The following ANAPC2 variants were observed in gnomAD, a reference collection of about 807,000 sequenced individuals.
ANAPC2 encodes the protein anaphase promoting complex subunit 2, also known as anaphase-promoting complex subunit 2.
In ANAPC2, 29 loss-of-function variants were observed where a neutral mutation model predicts 84.3. The observed-to-expected ratio is 0.34, with a 90% CI of 0.26 to 0.47. The LOEUF (loss-of-function observed/expected upper bound fraction) is 0.47, where lower values mean the gene tolerates loss of function less well. Among genes scored for constraint, ANAPC2 ranks in the 20% least tolerant of loss-of-function variants. The pLI is 1.00. For synonymous variants in ANAPC2, 571 were observed against 479.4 expected (o/e 1.19, Z -2.50); for missense variants, 857 against 1,131.7 (o/e 0.76, Z 3.48).
chr9:137,188,107 G>C lies in ANAPC2; in HGVS notation c.118-4C>G. 1 of 1,608,750 alleles carries C rather than the reference G, an allele frequency of 6.2e-7. No homozygotes were observed. Among genetic ancestry groups the C allele is most frequent in the South Asian group, 1.1e-5 (1 of 91,040 alleles). ...CACCGCTGGTCCGGGAAGACACCTG[G>C]GGTGCAGAAAACCGTGAGGCGAGGG... On this transcript the variant is annotated splice_polypyrimidine_tract_variant and splice_region_variant and intron_variant, in intron 1 of 12. Coordinates refer to ENST00000323927, the MANE Select transcript of ANAPC2 (RefSeq NM_013366.4).
intron 10 of ANAPC2, chr9:137,177,208 C>G (rs1418465306): frequency 6.6e-6 from 1 of 152,230 alleles, no homozygotes; most frequent in Non-Finnish European, 1.5e-5. Flanking sequence ...AAGGCAGGCT[C>G]CAAGAGCAGA....
At chr9:137,181,659 G>C in intron 7 of ANAPC2, 22 bp downstream of exon 7, 1 of 1,571,548 alleles carries the variant, frequency 6.4e-7, no homozygotes, top group Non-Finnish European at 8.7e-7. Flanking sequence ...CTGGTGAAAG[G>C]GACCATGTGG....
chr9:137,174,790 C>T lies in ANAPC2; in HGVS notation c.*152G>A, dbSNP rs1256124594. ...AGCCACCAGGACAGAAAAGGATGAT[C>T]TGACTTGCTTTAATCTGCACACTGC... On this transcript the variant is annotated 3_prime_UTR_variant, in exon 13 of 13. Transcript: ENST00000323927. This position sits in a 1 kb window ranked among gnomAD's most constrained non-coding sequence, Gnocchi z 6.1. The T allele has an allele frequency of 5.0e-6, 7 of 1,411,908 alleles. No individual in the cohort carries two copies. The highest frequency in any genetic ancestry group is 6.5e-6 in the Non-Finnish European group (7 of 1,081,706). 87.5% of individuals were successfully genotyped at this position (1,411,908 alleles called of 1,614,324 possible).
At chr9:137,182,008 GC>G in intron 6 of ANAPC2, 146 bp from the exon 7 acceptor site, 1 of 838,760 alleles carries the variant, frequency 1.2e-6, no homozygotes, top group Non-Finnish European at 1.7e-6. Flanking sequence ...CTAAACACAG[GC>G]CCGTCAGACT....
chr9:137,181,867 C>T lies in ANAPC2; in HGVS notation c.1287-5G>A, dbSNP rs768199316. The stretch of plus-strand genomic sequence containing the variant: ...CGCACTGTGTCCTCCCGCGTCCTGC[C>T]GATGTGAGTGCTGCTGTGGCCCACA... On this transcript the variant is annotated splice_polypyrimidine_tract_variant and splice_region_variant and intron_variant, in intron 6 of 12. Coordinates refer to ENST00000323927, the MANE Select transcript of ANAPC2 (RefSeq NM_013366.4). 1.1e-4 allele frequency: 169 copies of T among 1,599,366 alleles called. No homozygotes were observed. Among genetic ancestry groups the T allele is most frequent in the Non-Finnish European group, 1.3e-4 (155 of 1,177,488 alleles).
intron 10 of ANAPC2, chr9:137,176,078 A>AC: frequency 4.5e-6 from 2 of 448,260 alleles, no homozygotes; most frequent in Middle Eastern, 1.1e-3. Context: ...GGGCCTCCTG[A>AC]CCCCCAGTGC....
At chr9:137,183,050 T>A in intron 6 of ANAPC2, 75 bp downstream of exon 6, 1 of 1,242,660 alleles carries the variant, frequency 8.0e-7, no homozygotes. Context: ...ACCCTCCGGC[T>A]GCCCCCCAGG....
rs745513587 is a variant in ANAPC2, at chr9:137,180,433, G to A, written c.1686+19C>T. The A allele has an allele frequency of 2.4e-5, 38 of 1,612,606 alleles. No individual in the cohort carries two copies. Among genetic ancestry groups the A allele is most frequent in the South Asian group, 1.2e-4 (11 of 91,082 alleles). On this transcript the variant is annotated intron_variant, in intron 9 of 12. Transcript: ENST00000323927. ...GGGACCTGCGGGGCGGCCGGGCAGC[G>A]GGCGGGGCTGGGACCCACCTTCAGC... is the stretch of plus-strand genomic sequence containing the variant.
chr9:137,183,472 C>A, intron 5 of ANAPC2, 200 bp downstream of exon 5: 1 of 868,796 alleles, frequency 1.2e-6, no homozygotes, highest in East Asian at 2.7e-5. Flanking sequence ...CCGGTCAGTC[C>A]TGACTCCCTC....
rs28756048 is a variant in ANAPC2 at position 137,179,660 on chromosome 9, T to A, written c.1890+521A>T. Reference sequence around the variant, plus strand: ...CAGACCCATAGCCCCGGTCCTCAAGTACCACTGGAGCCTGCAAAGGCAGTT... The same window carrying A: ...CAGACCCATAGCCCCGGTCCTCAAGAACCACTGGAGCCTGCAAAGGCAGTT... On this transcript the variant is annotated intron_variant, in intron 10 of 12. Coordinates refer to ENST00000323927, the MANE Select transcript of ANAPC2 (RefSeq NM_013366.4). 3.4e-3 allele frequency among the ~76,000 whole-genome samples: 520 copies of A among 152,292 alleles called. 2 individuals carry two copies. Among genetic ancestry groups the A allele is most frequent in the Non-Finnish European group, 5.0e-3 (343 of 68,024 alleles).
chr9:137,184,860 C>A, intron 4 of ANAPC2, 53 bp downstream of exon 4: 2 of 1,595,486 alleles, frequency 1.3e-6, no homozygotes, highest in Admixed American at 3.6e-5. Context: ...GGGGAAGGCC[C>A]TGGGAAGACT....
At position 137,187,888 on chromosome 9, in the gene ANAPC2, G is replaced by A. The variant is rs776414983; in HGVS notation, c.333C>T (p.Leu111=). 12 of 1,613,778 alleles carry A rather than the reference G, an allele frequency of 7.4e-6. No individual in the cohort carries two copies. Among genetic ancestry groups the A allele is most frequent in the South Asian group, 1.1e-5 (1 of 91,088 alleles). The change falls in exon 2 of 13, where the codon CTC becomes CTT. Residue 111 remains leucine, a synonymous_variant. Transcript: ENST00000323927. ...SADEPQCLLL[L]LDAFGLLESR... ...TCTCCAGCAGGCCAAAAGCGTCAAG[G>A]AGTAGCAAAAGGCACTGGGGCTCAT...
At position 137,185,357 on chromosome 9, in the gene ANAPC2, A is replaced by G. The variant is rs116953652; in HGVS notation, c.874-270T>C. 6.2e-3 allele frequency among the ~76,000 whole-genome samples: 945 copies of G among 152,316 alleles called. 9 individuals carry two copies. Among genetic ancestry groups the G allele is most frequent in the Non-Finnish European group, 0.011 (728 of 68,018 alleles). On this transcript the variant is annotated intron_variant, in intron 3 of 12. Coordinates refer to ENST00000323927, the MANE Select transcript of ANAPC2 (RefSeq NM_013366.4). ...CTGGCAGCAGCAACCCTAGCGTGAG[A>G]CATGACAGACACACACGACCTGTGC...
In ANAPC2 at chr9:137,183,114, G is replaced by A. The variant is rs1330571235; in HGVS notation, c.1286+11C>T. 1.2e-6 allele frequency: 2 copies of A among 1,606,294 alleles called. No homozygotes were observed. The highest frequency in any genetic ancestry group is 1.1e-5 in the South Asian group (1 of 90,914). On this transcript the variant is annotated intron_variant, in intron 6 of 12. Transcript: ENST00000323927. ...GGTCCCAGTGGCTCCTGGGCCAGCTGCAGCCCTCACCTCAGGTAGCGGCGG... is the reference window on the plus strand; with the variant it reads ...GGTCCCAGTGGCTCCTGGGCCAGCTACAGCCCTCACCTCAGGTAGCGGCGG...
rs977392112 is a variant in ANAPC2, at chr9:137,187,785, C to T, written c.436G>A (p.Ala146Thr). Residue 146 changes from alanine (A) to threonine (T), a missense_variant, in exon 2 of 13, where the codon GCT (alanine) becomes ACT (threonine). By Grantham distance (58) the Ala-to-Thr change is moderately conservative. Coordinates refer to ENST00000323927, the MANE Select transcript of ANAPC2 (RefSeq NM_013366.4). ...TRLGLLMGTG[A>T]QGLREEVHTM... ...TGGACTTCTTCTCGCAGCCCCTGAG[C>T]ACCAGTGCCCATCAGCAAGCCCAGG... 1 of 1,613,672 alleles carries T rather than the reference C, an allele frequency of 6.2e-7. No individual in the cohort carries two copies. Among genetic ancestry groups the T allele is most frequent in the Non-Finnish European group, 8.5e-7 (1 of 1,180,030 alleles).
chr9:137,175,081 A>G lies in ANAPC2; in HGVS notation c.2330T>C (p.Leu777Pro). ...SLSLDRIYNM[L>P]RMFVVTGPAL... ...AGGCCCAGTCACCACAAACATGCGGAGCATGTTGTAGATACGATCCAGTGA... is the reference window on the plus strand; with the variant it reads ...AGGCCCAGTCACCACAAACATGCGGGGCATGTTGTAGATACGATCCAGTGA... Residue 777 changes from leucine to proline, a missense_variant, in exon 13 of 13, where the codon CTC (leucine) becomes CCC (proline). By Grantham distance (98) the Leu-to-Pro change is moderately conservative (BLOSUM62 -3). This residue lies in a region of ANAPC2 where 425 missense variants were observed against 595.5 expected (regional missense o/e 0.71). Transcript: ENST00000323927. The G allele has an allele frequency of 6.2e-7, 1 of 1,608,272 alleles. No homozygotes were observed. Among genetic ancestry groups the G allele is most frequent in the Non-Finnish European group, 8.5e-7 (1 of 1,178,034 alleles).
Position 137,187,406 on chromosome 9 carries a change from G to A in ANAPC2, c.740+75C>T, listed in dbSNP as rs1279141456. The A allele has an allele frequency of 2.0e-6, 3 of 1,522,790 alleles. No homozygotes were observed. The East Asian group carries it at 6.8e-5, about 35-fold the overall frequency. The allele number at this position is 1,522,790 out of a possible 1,614,324, so 94.3% of individuals were successfully genotyped here. On this transcript the variant is annotated intron_variant, in intron 2 of 12. Transcript: ENST00000323927. ...CAGGACGGCTCACCAGCTTTCTGCT[G>A]AGGCCAGCTGGACCCAGGGGAGCAG... is the stretch of plus-strand genomic sequence containing the variant.
rs746770536 is a variant in ANAPC2 at position 137,186,275 on chromosome 9, C to T, written c.822G>A (p.Glu274=). ...GCTCGTACTCGCCCCGGCAACGGTC[C>T]TCCATCCTCTCCCGGGTCACCTGGT... ...TLHQVTRERM[E]DRCRGEYERS... Residue 274 remains glutamate, a synonymous_variant, in exon 3 of 13, where the codon GAG becomes GAA. Coordinates refer to ENST00000323927, the MANE Select transcript of ANAPC2 (RefSeq NM_013366.4). 55 of 1,612,362 alleles carry T rather than the reference C, an allele frequency of 3.4e-5. No individual in the cohort carries two copies. The highest frequency in any genetic ancestry group is 4.6e-5 in the Non-Finnish European group (54 of 1,179,974).
At chr9:137,188,316 G>C in intron 1 of ANAPC2, 100 bp downstream of exon 1, 1 of 1,378,118 alleles carries the variant, frequency 7.3e-7, no homozygotes, top group Non-Finnish European at 9.8e-7. Flanking sequence ...GACAGAGGCG[G>C]ATGATGGACA....
Sources: gnomAD v4.1 joint callset for allele counts (sites outside exome capture counted in the v4.1 genomes callset) on GRCh38, gnomAD v4.1.1 for gene constraint, gnomAD v4.1.1 regional missense constraint, Gnocchi (gnomAD v3.1) non-coding constraint, MANE v1.5 for transcripts, NCBI Gene and HGNC (gene_info 2026-07-23, HGNC 2026-07-21) for gene names.